ABAT: variants seen among roughly 807,000 people sequenced by gnomAD.
ABAT encodes 4-aminobutyrate aminotransferase, also known as 4-aminobutyrate aminotransferase, mitochondrial.
Under a neutral mutation model 64.6 loss-of-function variants are expected in ABAT, and 45 were observed. The ratio of observed to expected loss-of-function variants is 0.70; its 90% CI spans 0.55 to 0.89. The LOEUF (loss-of-function observed/expected upper bound fraction) is 0.89. ABAT is among the 40% of genes least tolerant of loss of function. The pLI, the probability that ABAT is intolerant of heterozygous loss-of-function variation, is 0.00. For synonymous variants in ABAT, 297 were observed against 250.5 expected (o/e 1.19, Z -1.75); for missense variants, 633 against 658.4 (o/e 0.96, Z 0.42).
At chr16:8,740,539 T>G (rs1042306628) in intron 2 of ABAT, among the ~76,000 whole-genome samples, 1 of 152,126 alleles carries the variant, frequency 6.6e-6, no homozygotes, top group Non-Finnish European at 1.5e-5. Flanking sequence ...TGGCAACTGC[T>G]CCCTCAAAGC....
intron 1 of ABAT, among the ~76,000 whole-genome samples, chr16:8,734,263 G>C (rs1259156831): frequency 5.9e-5 from 9 of 152,256 alleles, no homozygotes; most frequent in Admixed American, 5.2e-4. Context: ...TGATGCCCTT[G>C]TTTATGTTAT....
intron 1 of ABAT, among the ~76,000 whole-genome samples, chr16:8,709,350 TTTTATTTATTTATTTA>T (rs149223193): frequency 7.4e-4 from 110 of 149,244 alleles, no homozygotes; most frequent in African/African-American, 2.2e-3. Context: ...TGACTCACAT[TTTTATTTATTTATTTA>T]TTTATTTATT....
intron 1 of ABAT, among the ~76,000 whole-genome samples, chr16:8,711,036 C>T (rs2058059818): frequency 6.6e-6 from 1 of 152,158 alleles, no homozygotes; most frequent in South Asian, 2.1e-4. Context: ...TTAACCAGTT[C>T]CCACTCATGG....
intron 1 of ABAT, among the ~76,000 whole-genome samples, chr16:8,704,798 C>T (rs1187156855): frequency 6.6e-6 from 1 of 152,122 alleles, no homozygotes; most frequent in Non-Finnish European, 1.5e-5. Flanking sequence ...CAATCCTCTA[C>T]CATTGGTCAT....
intron 2 of ABAT, among the ~76,000 whole-genome samples, chr16:8,742,972 G>T (rs1472389518): frequency 2.2e-5 from 3 of 136,460 alleles, no homozygotes; most frequent in Admixed American, 1.6e-4. Context: ...GGAGTTCAAC[G>T]CCAGGCTGGG....
chr16:8,737,988 G>GAAAGAAA (rs1491569008), intron 2 of ABAT, among the ~76,000 whole-genome samples: 5 of 51,772 alleles, frequency 9.7e-5, no homozygotes, highest in Admixed American at 2.0e-4. Context: ...AAGGAAGGAA[G>GAAAGAAA]GAGGAAAGAA....
chr16:8,777,588 G>T (rs2060304503), intron 14 of ABAT, among the ~76,000 whole-genome samples: 9 of 152,176 alleles, frequency 5.9e-5, no homozygotes, highest in Admixed American at 4.6e-4. Context: ...ATGTGTGTGT[G>T]TGAGTGTGGC....
chr16:8,711,685 T>C (rs2058072173), intron 1 of ABAT, among the ~76,000 whole-genome samples: 1 of 147,514 alleles, frequency 6.8e-6, no homozygotes, highest in Non-Finnish European at 1.5e-5. Context: ...GGTGGAAGGA[T>C]GGATGGATGG....
intron 1 of ABAT, among the ~76,000 whole-genome samples, chr16:8,730,984 A>T (rs1481779056): frequency 6.6e-6 from 1 of 152,180 alleles, no homozygotes; most frequent in Non-Finnish European, 1.5e-5. Flanking sequence ...TGTGTGTGAG[A>T]CGGTGTCTCA....
At chr16:8,773,697 T>G (rs145823519) in intron 12 of ABAT, among the ~76,000 whole-genome samples, 3 of 152,284 alleles carry the variant, frequency 2.0e-5, no homozygotes, top group Admixed American at 6.5e-5. Flanking sequence ...CAACCCCTAT[T>G]TATCTCCACC....
At chr16:8,686,121 T>A (rs1337418842) in intron 1 of ABAT, among the ~76,000 whole-genome samples, 1 of 152,238 alleles carries the variant, frequency 6.6e-6, no homozygotes, top group African/African-American at 2.4e-5. Context: ...AGGACAGGGC[T>A]GTTTTGTGCA....
intron 1 of ABAT, among the ~76,000 whole-genome samples, chr16:8,714,423 CCA>C (rs2058154461): frequency 6.6e-6 from 1 of 152,358 alleles, no homozygotes; most frequent in East Asian, 1.9e-4. Context: ...CAGTTGACAG[CCA>C]GGGCGGCTCA....
intron 2 of ABAT, among the ~76,000 whole-genome samples, chr16:8,741,286 G>C (rs957620880): frequency 6.6e-6 from 1 of 152,176 alleles, no homozygotes; most frequent in East Asian, 1.9e-4. Context: ...TTGCCTTTAG[G>C]AGAAGTGTGT....
At chr16:8,679,660 T>C (rs1251291984) in intron 1 of ABAT, among the ~76,000 whole-genome samples, 2 of 151,950 alleles carry the variant, frequency 1.3e-5, no homozygotes, top group African/African-American at 2.4e-5. Context: ...AGCCCTGGTC[T>C]CTCCTGCCTT....
At chr16:8,727,864 T>G (rs1190438776) in intron 1 of ABAT, among the ~76,000 whole-genome samples, 2 of 152,000 alleles carry the variant, frequency 1.3e-5, no homozygotes, top group Non-Finnish European at 2.9e-5. Flanking sequence ...AGCTCAAGAG[T>G]TTGAGACCAG....
rs547953905 is a variant in ABAT, at chr16:8,684,344, G to A, written c.-42+9633G>A. On this transcript the variant is annotated intron_variant, in intron 1 of 15. Coordinates refer to ENST00000268251, the MANE Select transcript of ABAT (RefSeq NM_020686.6). ...TCCCAGCGCTTTGAGAGGCCGAGGT[G>A]GGTGGATCACTTGAACCCAGGAGTT... 9.2e-5 allele frequency among the ~76,000 whole-genome samples: 14 copies of A among 152,234 alleles called. 1 individual carries two copies. In the South Asian group the frequency reaches 2.9e-3, roughly 32 times the overall value.
intron 1 of ABAT, among the ~76,000 whole-genome samples, chr16:8,698,206 G>A (rs1001066195): frequency 6.6e-6 from 1 of 152,184 alleles, no homozygotes; most frequent in African/African-American, 2.4e-5. Context: ...TGCCGGAGGA[G>A]TGGTTGAGAA....
chr16:8,704,898 C>T (rs1273716206), intron 1 of ABAT, among the ~76,000 whole-genome samples: 1 of 152,068 alleles, frequency 6.6e-6, no homozygotes, highest in African/African-American at 2.4e-5. Context: ...GTTGCCCAGG[C>T]TGGTCTCGAA....
chr16:8,732,217 GT>G lies in ABAT; in HGVS notation c.-41-3475del, dbSNP rs1357445673. Among the ~76,000 whole-genome samples the G allele has an allele frequency of 5.7e-3, 752 of 132,896 alleles. 48 individuals are homozygous for G. The highest frequency in any genetic ancestry group is 0.021 in the African/African-American group (723 of 33,908). 87.2% of individuals were successfully genotyped at this position (132,896 alleles called of 152,430 possible). A position where few individuals can be genotyped will look rare whatever the true frequency, so the allele number is the denominator to read the frequency against. Reference sequence around the variant, plus strand: ...TTTTGTTTTTTTTTTTTGTTTGTTTGTTTTTTTAATTTATTTATTTTTTATT... The same window carrying G: ...TTTTGTTTTTTTTTTTTGTTTGTTTGTTTTTTAATTTATTTATTTTTTATT... On this transcript the variant is annotated intron_variant, in intron 1 of 15. Coordinates refer to ENST00000268251, the MANE Select transcript of ABAT (RefSeq NM_020686.6).
Sources: allele counts gnomAD v4.1 joint callset (sites outside exome capture counted in the v4.1 genomes callset), GRCh38; gene constraint gnomAD v4.1.1; transcripts MANE v1.5; gene names NCBI Gene and HGNC (gene_info 2026-07-23, HGNC 2026-07-21).